Variants in IMPG1 observed in about 807,000 individuals in gnomAD.
IMPG1 encodes interphotoreceptor matrix proteoglycan 1, also known as interphotoreceptor matrix proteoglycan of 150 kDa.
In IMPG1, 85 loss-of-function variants were observed where a neutral mutation model predicts 92.0. That is an observed-to-expected ratio of 0.92 (90% CI 0.78 to 1.11). The LOEUF is 1.11. Ranked by LOEUF, IMPG1 falls within the 50% of genes least tolerant of loss-of-function variation. The pLI is 0.00. For missense variants in IMPG1, 1,022 were observed against 956.0 expected (o/e 1.07, Z -0.91); for synonymous variants, 367 against 334.1 (o/e 1.10, Z -1.08).
intron 14 of IMPG1, among the ~76,000 whole-genome samples, chr6:75,946,417 A>G (rs1318144575): frequency 2.6e-5 from 4 of 151,872 alleles, no homozygotes; most frequent in Non-Finnish European, 5.9e-5. Context: ...TTAAAGATTC[A>G]CTCCACTAAT....
rs1403628742 is a variant in IMPG1, at chr6:75,999,237, T to C, written c.1291+3681A>G. ...AGCTACTACAAAAAAACAGTAACAA[T>C]AGAAGACCCCACAATTCTATACAAC... On this transcript the variant is annotated intron_variant, in intron 12 of 16. Transcript: ENST00000369950. 2.7e-5 allele frequency among the ~76,000 whole-genome samples: 4 copies of C among 150,250 alleles called. No homozygotes were observed. The East Asian group carries it at 5.8e-4, about 22-fold the overall frequency.
At chr6:76,063,864 C>T (rs1784253573) in intron 1 of IMPG1, among the ~76,000 whole-genome samples, 1 of 152,208 alleles carries the variant, frequency 6.6e-6, no homozygotes, top group South Asian at 2.1e-4. Context: ...CACCCCTTTG[C>T]ACAAAGGAAC....
intron 15 of IMPG1, among the ~76,000 whole-genome samples, chr6:75,924,705 TAA>T (rs1562335288): frequency 0.026 from 232 of 8,948 alleles, 56 homozygotes; most frequent in African/African-American, 0.053. Context: ...TAATTATATA[TAA>T]TATATAATAT....
chr6:76,001,245 A>C (rs1415126617), intron 12 of IMPG1, among the ~76,000 whole-genome samples: 3 of 152,244 alleles, frequency 2.0e-5, no homozygotes, highest in Admixed American at 6.5e-5. Flanking sequence ...TCTTATAAGA[A>C]AGTTTTATGA....
chr6:75,937,347 A>AT (rs1781763055), intron 14 of IMPG1, among the ~76,000 whole-genome samples: 1 of 152,080 alleles, frequency 6.6e-6, no homozygotes, highest in Non-Finnish European at 1.5e-5. Context: ...AACAGAATTC[A>AT]TTTAGGATTA....
intron 7 of IMPG1, among the ~76,000 whole-genome samples, chr6:76,011,969 A>G (rs933001625): frequency 1.2e-4 from 18 of 152,092 alleles, no homozygotes; most frequent in Non-Finnish European, 1.9e-4. Flanking sequence ...TTTTCTGACT[A>G]TAATTATAAC....
At chr6:76,013,347 G>C (rs571853909) in intron 7 of IMPG1, among the ~76,000 whole-genome samples, 1 of 151,788 alleles carries the variant, frequency 6.6e-6, no homozygotes, top group Non-Finnish European at 1.5e-5. Flanking sequence ...ACACTAAACT[G>C]ACCCCTGTTC....
intron 2 of IMPG1, among the ~76,000 whole-genome samples, 192 bp downstream of exon 2, chr6:76,041,701 A>G (rs866492242): frequency 2.0e-5 from 3 of 152,238 alleles, no homozygotes; most frequent in African/African-American, 7.2e-5. Context: ...ATTTTAAACC[A>G]TAAGAGCTGA....
chr6:76,027,251 TA>T (rs1783558112), intron 4 of IMPG1, among the ~76,000 whole-genome samples: 1 of 152,244 alleles, frequency 6.6e-6, no homozygotes, highest in African/African-American at 2.4e-5. Context: ...TTTGAGGTTA[TA>T]AACTGCTTTT....
intron 1 of IMPG1, among the ~76,000 whole-genome samples, chr6:76,062,857 T>C (rs1308593953): frequency 4.3e-4 from 1 of 2,330 alleles, no homozygotes; most frequent in Admixed American, 0.018. Flanking sequence ...CAAGTTAGGT[T>C]TTTTTTTTTT....
intron 13 of IMPG1, among the ~76,000 whole-genome samples, chr6:75,949,548 C>A (rs1480653305): frequency 6.6e-6 from 1 of 152,186 alleles, no homozygotes; most frequent in African/African-American, 2.4e-5. Context: ...AGTAGCCATT[C>A]TTTTATTCCT....
At chr6:76,058,830 T>C (rs556475138) in intron 1 of IMPG1, among the ~76,000 whole-genome samples, 1 of 152,314 alleles carries the variant, frequency 6.6e-6, no homozygotes, top group South Asian at 2.1e-4. Context: ...TAATAAAACT[T>C]GTAGGCTCAG....
intron 12 of IMPG1, among the ~76,000 whole-genome samples, chr6:75,952,594 TACA>T: frequency 6.6e-6 from 1 of 152,176 alleles, no homozygotes; most frequent in South Asian, 2.1e-4. Context: ...TCTCTGGAGA[TACA>T]CTTAAAGTTT....
intron 15 of IMPG1, 111 bp from the exon 16 acceptor site, chr6:75,923,817 T>C: frequency 1.6e-6 from 1 of 625,130 alleles, no homozygotes; most frequent in Non-Finnish European, 2.8e-6. Flanking sequence ...TGAAAATAGA[T>C]AGCATATTTT....
intron 15 of IMPG1, among the ~76,000 whole-genome samples, chr6:75,924,603 T>TA (rs1350117259): frequency 5.8e-5 from 2 of 34,698 alleles, no homozygotes; most frequent in African/African-American, 2.2e-4. Context: ...TTATATATAA[T>TA]TAATTATATA....
intron 3 of IMPG1, 105 bp from the exon 4 acceptor site, chr6:76,034,448 G>T: frequency 3.2e-6 from 4 of 1,231,450 alleles, no homozygotes; most frequent in Non-Finnish European, 4.7e-6. Context: ...ACTTCAACCT[G>T]ACTGTACCAT....
chr6:76,066,685 T>C (rs1468767844), intron 1 of IMPG1, among the ~76,000 whole-genome samples: 1 of 152,052 alleles, frequency 6.6e-6, no homozygotes, highest in Admixed American at 6.6e-5. Flanking sequence ...TTAAATTGTA[T>C]TGTAGACCAA....
intron 14 of IMPG1, among the ~76,000 whole-genome samples, chr6:75,936,818 G>T (rs188652127): frequency 6.6e-6 from 1 of 152,324 alleles, no homozygotes; most frequent in Admixed American, 6.5e-5. Flanking sequence ...TGACACTGGG[G>T]GAGCTGGGAG....
At chr6:76,008,411 C>T (rs942133749) in intron 8 of IMPG1, among the ~76,000 whole-genome samples, 20 of 152,204 alleles carry the variant, frequency 1.3e-4, no homozygotes, top group Non-Finnish European at 4.4e-5. Flanking sequence ...ACACTCTACA[C>T]ATGTGATGGG....
Sources: allele counts gnomAD v4.1 joint callset (sites outside exome capture counted in the v4.1 genomes callset), GRCh38; gene constraint gnomAD v4.1.1; transcripts MANE v1.5; gene names NCBI Gene and HGNC (gene_info 2026-07-23, HGNC 2026-07-21).